The following SMARCA2 variants were observed in gnomAD, a reference collection of about 807,000 sequenced individuals.
SMARCA2 encodes the protein SWI/SNF-related matrix-associated actin-dependent regulator of chromatin subfamily A member 2.
SMARCA2 carries 61 observed loss-of-function variants against 199.8 expected under a neutral mutation model. The ratio of observed to expected loss-of-function variants is 0.31; its 90% CI spans 0.25 to 0.38. SMARCA2 has a LOEUF of 0.38. Among genes scored for constraint, SMARCA2 ranks in the 10% least tolerant of loss-of-function variants. The pLI, the probability that SMARCA2 is intolerant of heterozygous loss-of-function variation, is 1.00. For missense variants in SMARCA2, 1,344 were observed against 2,012.2 expected (o/e 0.67, Z 6.35); for synonymous variants, 935 against 732.0 (o/e 1.28, Z -4.48).
intron 25 of SMARCA2, among the ~76,000 whole-genome samples, chr9:2,118,426 A>G (rs1823309148): frequency 6.6e-6 from 1 of 152,204 alleles, no homozygotes; most frequent in South Asian, 2.1e-4. Flanking sequence ...GAGCCGACAC[A>G]GTCATCTCAT....
Position 2,017,447 on chromosome 9 carries a change from TCGGGCA to T in SMARCA2, c.-37+2044_-37+2049del, listed in dbSNP as rs1818406003. The T allele has an allele frequency of 2.0e-5, 3 of 151,566 alleles. No homozygotes were observed. Among genetic ancestry groups the T allele is most frequent in the African/African-American group, 7.3e-5 (3 of 41,106 alleles). 9.4% of individuals were successfully genotyped at this position (151,566 alleles called of 1,614,324 possible). A position where few individuals can be genotyped will look rare whatever the true frequency, so the allele number is the denominator to read the frequency against. ...GAGCCAGTGCGTCGGGAGCAGCGGC[TCGGGCA>T]GCTGCTCCTGCCCGCACCCTCCCCT... On this transcript the variant is annotated intron_variant, in intron 1 of 33. Transcript: ENST00000349721. The surrounding 1 kb of genome is among the most constrained non-coding windows in gnomAD (Gnocchi z 8.8).
intron 8 of SMARCA2, 145 bp downstream of exon 8, chr9:2,058,609 G>T: frequency 1.4e-6 from 1 of 691,278 alleles, no homozygotes; most frequent in Non-Finnish European, 2.4e-6. Flanking sequence ...TTAGGGAGAT[G>T]AAGTAAAAAC....
Position 2,087,291 on chromosome 9 carries a change from CT to C in SMARCA2, c.2769+224del, listed in dbSNP as rs1018363218. The C allele has an allele frequency of 7.2e-6, 4 of 554,384 alleles. No homozygotes were observed. The African/African-American group carries it at 7.6e-5, about 10-fold the overall frequency. The allele number at this position is 554,384 out of a possible 1,614,324, so 34.3% of individuals were successfully genotyped here. ...TACATGGGGCATCTAACCCCTTTGT[CT>C]TTTGCCAGCATGTTTACCAGGCTAC... On this transcript the variant is annotated intron_variant, in intron 18 of 33. Coordinates refer to ENST00000349721, the MANE Select transcript of SMARCA2 (RefSeq NM_003070.5).
chr9:2,156,414 C>CTTTTTTTTTTTTTT (rs57161267), intron 27 of SMARCA2, among the ~76,000 whole-genome samples: 5 of 69,162 alleles, frequency 7.2e-5, no homozygotes, highest in Admixed American at 1.9e-4. Context: ...CCATTTTAGA[C>CTTTTTTTTTTTTTT]TTTTTTTTTT....
At chr9:2,076,140 A>G (rs1292116808) in intron 12 of SMARCA2, 89 bp from the exon 13 acceptor site, 2 of 749,978 alleles carry the variant, frequency 2.7e-6, no homozygotes, top group African/African-American at 1.8e-5. Flanking sequence ...GTGAAGTTCA[A>G]TACTAGTTTA....
intron 9 of SMARCA2, among the ~76,000 whole-genome samples, chr9:2,064,933 C>T (rs1820762447): frequency 6.6e-6 from 1 of 152,216 alleles, no homozygotes; most frequent in Non-Finnish European, 1.5e-5. Context: ...GCCTGTAATC[C>T]CAGCACTTTG....
chr9:2,108,890 A>G (rs1404028307), intron 23 of SMARCA2, among the ~76,000 whole-genome samples: 6 of 152,206 alleles, frequency 3.9e-5, no homozygotes, highest in Non-Finnish European at 7.3e-5. Flanking sequence ...TCACCAGTTC[A>G]CTAAACTCGA....
In SMARCA2 at chr9:2,104,444, A is replaced by G. The variant is rs1232535408; in HGVS notation, c.3292+275A>G. 6.6e-6 allele frequency among the ~76,000 whole-genome samples: 1 copy of G among 152,212 alleles called. No homozygotes were observed. The highest frequency in any genetic ancestry group is 2.4e-5 in the African/African-American group (1 of 41,458). On this transcript the variant is annotated intron_variant, in intron 23 of 33. Coordinates refer to ENST00000349721, the MANE Select transcript of SMARCA2 (RefSeq NM_003070.5). This position sits in a 1 kb window ranked among gnomAD's most constrained non-coding sequence, Gnocchi z 4.0. Reference sequence around the variant, plus strand: ...ATAAAATAAAATTAAACTAAATTAAAATTTTAAAATCTTCCTTGCTCTTAA... The same window carrying G: ...ATAAAATAAAATTAAACTAAATTAAGATTTTAAAATCTTCCTTGCTCTTAA...
At chr9:2,047,956 C>T (rs367883459) in intron 5 of SMARCA2, 2 of 152,166 alleles carry the variant, frequency 1.3e-5, no homozygotes, top group Non-Finnish European at 2.9e-5. Context: ...ATACTTAAAT[C>T]ATTAGTCCAG....
chr9:2,087,289 G>C, intron 18 of SMARCA2: 1 of 560,316 alleles, frequency 1.8e-6, no homozygotes, highest in Middle Eastern at 4.9e-4. Context: ...TAACCCCTTT[G>C]TCTTTTGCCA....
At chr9:2,040,866 G>C (rs1449980514) in intron 4 of SMARCA2, 1 of 152,450 alleles carries the variant, frequency 6.6e-6, no homozygotes, top group African/African-American at 2.4e-5. Flanking sequence ...GGACTGTGAA[G>C]TGATCTTCCA....
Position 2,161,970 on chromosome 9 carries a change from C to G in SMARCA2, c.4199+67C>G. The G allele has an allele frequency of 3.8e-6, 5 of 1,318,596 alleles. No individual in the cohort carries two copies. In the South Asian group the frequency reaches 3.8e-5, roughly 10 times the overall value. The allele number at this position is 1,318,596 out of a possible 1,614,324, so 81.7% of individuals were successfully genotyped here. A position where few individuals can be genotyped will look rare whatever the true frequency, so the allele number is the denominator to read the frequency against. On this transcript the variant is annotated intron_variant, in intron 28 of 33. Transcript: ENST00000349721. The surrounding 1 kb of genome is among the most constrained non-coding windows in gnomAD (Gnocchi z 4.7). ...ACGCCGAGTGGCGCTCCCTGAGGAG[C>G]AGGAGTTGTTAAGTTGTGCACTTAG...
chr9:2,083,678 A>G (rs746836519), intron 16 of SMARCA2, among the ~76,000 whole-genome samples: 27 of 152,340 alleles, frequency 1.8e-4, no homozygotes, highest in Non-Finnish European at 2.9e-4. Context: ...AATATCACAC[A>G]TTCTGCGTGC....
chr9:2,064,796 G>A (rs1250585063), intron 9 of SMARCA2, among the ~76,000 whole-genome samples: 2 of 152,148 alleles, frequency 1.3e-5, no homozygotes, highest in African/African-American at 2.4e-5. Context: ...GGTTCCTGGC[G>A]ATTATGAGGC....
chr9:2,182,738 G>A (rs1246821989), intron 31 of SMARCA2, among the ~76,000 whole-genome samples: 3 of 151,076 alleles, frequency 2.0e-5, no homozygotes, highest in Non-Finnish European at 2.9e-5. Context: ...CAGGTGATCC[G>A]CCTGCCTCGG....
At chr9:2,089,094 G>A (rs1232241609) in intron 19 of SMARCA2, among the ~76,000 whole-genome samples, 2 of 152,036 alleles carry the variant, frequency 1.3e-5, no homozygotes, top group Admixed American at 6.5e-5. Context: ...CAGAGTTCCT[G>A]CAAATTACAG....
In SMARCA2 at chr9:2,039,007, A is replaced by G. The variant is rs1819457304; in HGVS notation, c.356-459A>G. Among the ~76,000 whole-genome samples, 1 of 152,202 alleles carries G rather than the reference A, an allele frequency of 6.6e-6. No individual in the cohort carries two copies. The highest frequency in any genetic ancestry group is 1.5e-5 in the Non-Finnish European group (1 of 68,028). The stretch of plus-strand genomic sequence containing the variant: ...AGTACTGTCCCTTGGTTAGTGGTGA[A>G]CAACAACCACTAACGGTTTACCTTC... On this transcript the variant is annotated intron_variant, in intron 3 of 33. Transcript: ENST00000349721. This position sits in a 1 kb window ranked among gnomAD's most constrained non-coding sequence, Gnocchi z 4.8.
intron 27 of SMARCA2, among the ~76,000 whole-genome samples, chr9:2,149,194 G>A (rs1382556193): frequency 6.6e-6 from 1 of 151,152 alleles, no homozygotes; most frequent in Non-Finnish European, 1.5e-5. Flanking sequence ...TTACATGGTG[G>A]CGGCAAGAGA....
chr9:2,117,683 C>G (rs959301077), intron 25 of SMARCA2, among the ~76,000 whole-genome samples: 12 of 152,184 alleles, frequency 7.9e-5, no homozygotes, highest in African/African-American at 1.2e-4. Context: ...TTCCAGCCTT[C>G]CTAAGCCGCA....
Sources: gnomAD v4.1 joint callset for allele counts (sites outside exome capture counted in the v4.1 genomes callset) on GRCh38, gnomAD v4.1.1 for gene constraint, Gnocchi (gnomAD v3.1) non-coding constraint, MANE v1.5 for transcripts, NCBI Gene and HGNC (gene_info 2026-07-23, HGNC 2026-07-21) for gene names.